Variants in KIF6 observed in about 807,000 individuals in gnomAD.
The protein encoded by KIF6 is kinesin family member 6.
KIF6 carries 106 observed loss-of-function variants against 112.7 expected under a neutral mutation model. That is an observed-to-expected ratio of 0.94 (90% CI 0.80 to 1.11). The LOEUF is 1.11. KIF6 is among the 50% of genes least tolerant of loss of function. KIF6 has a pLI of 0.00. For missense variants in KIF6, 929 were observed against 964.0 expected (o/e 0.96, Z 0.48); for synonymous variants, 339 against 339.9 (o/e 1.00, Z 0.03).
intron 6 of KIF6, among the ~76,000 whole-genome samples, chr6:39,612,618 T>C (rs934608972): frequency 6.6e-6 from 1 of 152,212 alleles, no homozygotes; most frequent in Non-Finnish European, 1.5e-5. Context: ...CACTGAGATA[T>C]ACACACTATA....
intron 13 of KIF6, among the ~76,000 whole-genome samples, chr6:39,539,556 G>A (rs907711567): frequency 2.0e-5 from 3 of 152,144 alleles, no homozygotes; most frequent in Non-Finnish European, 4.4e-5. Flanking sequence ...TATTGGCCAG[G>A]CTGGTCTTGA....
intron 13 of KIF6, among the ~76,000 whole-genome samples, chr6:39,532,591 A>G (rs1040900742): frequency 1.3e-5 from 2 of 152,188 alleles, no homozygotes; most frequent in South Asian, 2.1e-4. Flanking sequence ...TCATTCTACC[A>G]TGTTGCTGAA....
intron 13 of KIF6, among the ~76,000 whole-genome samples, chr6:39,515,463 C>T (rs1479785523): frequency 6.6e-6 from 1 of 152,208 alleles, no homozygotes; most frequent in African/African-American, 2.4e-5. Context: ...TGTATTCCTC[C>T]CGGCTTACAG....
chr6:39,490,235 T>C (rs1383261449), intron 13 of KIF6, among the ~76,000 whole-genome samples: 2 of 152,216 alleles, frequency 1.3e-5, no homozygotes, highest in South Asian at 2.1e-4. Context: ...CACAGAAGCA[T>C]GCTGTCTTCC....
intron 3 of KIF6, among the ~76,000 whole-genome samples, chr6:39,661,086 G>C (rs1786114978): frequency 6.6e-6 from 1 of 152,098 alleles, no homozygotes; most frequent in African/African-American, 2.4e-5. Flanking sequence ...AGCTGATACT[G>C]TTTCAAAATG....
intron 3 of KIF6, among the ~76,000 whole-genome samples, chr6:39,668,744 TAAG>T (rs1485338057): frequency 1.3e-5 from 2 of 152,048 alleles, no homozygotes; most frequent in East Asian, 3.8e-4. Context: ...ATCCCCCAAA[TAAG>T]AAACGCAAAT....
chr6:39,639,899 A>C, intron 3 of KIF6, 142 bp from the exon 4 acceptor site: 1 of 639,076 alleles, frequency 1.6e-6, no homozygotes, highest in Non-Finnish European at 2.5e-6. Flanking sequence ...ATATATGTGA[A>C]TATCTAGCTA....
intron 15 of KIF6, among the ~76,000 whole-genome samples, chr6:39,393,946 A>T (rs1191925490): frequency 6.6e-6 from 1 of 152,168 alleles, no homozygotes; most frequent in Admixed American, 6.5e-5. Context: ...ATGGGGTATA[A>T]ATGATCCTGT....
At chr6:39,723,980 C>G (rs774026640) in intron 1 of KIF6, among the ~76,000 whole-genome samples, 2 of 152,076 alleles carry the variant, frequency 1.3e-5, no homozygotes, top group Admixed American at 6.5e-5. Context: ...CATTATTTAA[C>G]CTGAGACTCA....
At chr6:39,446,134 C>T (rs1487670796) in intron 13 of KIF6, among the ~76,000 whole-genome samples, 2 of 152,152 alleles carry the variant, frequency 1.3e-5, no homozygotes, top group Non-Finnish European at 2.9e-5. Flanking sequence ...GTGCTGGTTT[C>T]GACTACTAGC....
At chr6:39,667,717 G>A (rs899956540) in intron 3 of KIF6, among the ~76,000 whole-genome samples, 24 of 152,192 alleles carry the variant, frequency 1.6e-4, no homozygotes, top group African/African-American at 5.6e-4. Flanking sequence ...TCCTGTGAGT[G>A]TAATTACTGA....
At chr6:39,607,482 A>G (rs1288877968) in intron 6 of KIF6, among the ~76,000 whole-genome samples, 1 of 152,188 alleles carries the variant, frequency 6.6e-6, no homozygotes, top group Non-Finnish European at 1.5e-5. Flanking sequence ...TATACCTAGT[A>G]GGTATGTATA....
intron 13 of KIF6, among the ~76,000 whole-genome samples, chr6:39,460,536 TAAAAAAAAA>T (rs759528125): frequency 1.8e-5 from 1 of 57,078 alleles, no homozygotes; most frequent in African/African-American, 7.3e-5. Context: ...AAAAAAAAAG[TAAAAAAAAA>T]AAAAAAAAAA....
chr6:39,646,180 TA>T (rs34006023), intron 3 of KIF6, among the ~76,000 whole-genome samples: 2 of 147,178 alleles, frequency 1.4e-5, no homozygotes, highest in Admixed American at 6.8e-5. Flanking sequence ...CTCAGAGAGG[TA>T]AAAAAAAAGA....
At chr6:39,689,051 G>A (rs931763665) in intron 3 of KIF6, among the ~76,000 whole-genome samples, 2 of 152,116 alleles carry the variant, frequency 1.3e-5, no homozygotes, top group African/African-American at 2.4e-5. Flanking sequence ...CCAGGAGTTC[G>A]AGGCTGCAGT....
At chr6:39,640,987 A>G (rs1582340674) in intron 3 of KIF6, among the ~76,000 whole-genome samples, 1 of 152,260 alleles carries the variant, frequency 6.6e-6, no homozygotes, top group South Asian at 2.1e-4. Flanking sequence ...TGAGGAGTGT[A>G]ATCACTTTTC....
At chr6:39,638,740 T>C (rs566001225) in intron 4 of KIF6, among the ~76,000 whole-genome samples, 6 of 152,092 alleles carry the variant, frequency 3.9e-5, no homozygotes, top group Non-Finnish European at 8.8e-5. Context: ...ACAGAAGTAA[T>C]ACAACCAAGG....
intron 19 of KIF6, chr6:39,354,321 TG>T (rs534390291): frequency 1.5e-3 from 267 of 180,520 alleles, no homozygotes; most frequent in African/African-American, 6.1e-3. Flanking sequence ...GTCTGGCCAC[TG>T]TGGAAGCAAG....
intron 3 of KIF6, chr6:39,691,606 C>T (rs1274757586): frequency 6.6e-6 from 1 of 152,020 alleles, no homozygotes; most frequent in Non-Finnish European, 1.5e-5. Flanking sequence ...ATAAAGATTG[C>T]TTGGTGGTGA....
Sources: gnomAD v4.1 joint callset for allele counts (sites outside exome capture counted in the v4.1 genomes callset) on GRCh38, gnomAD v4.1.1 for gene constraint, MANE v1.5 for transcripts, NCBI Gene and HGNC (gene_info 2026-07-23, HGNC 2026-07-21) for gene names.